BCAS3: variants seen among roughly 807,000 people sequenced by gnomAD.
BCAS3 encodes the protein BCAS4/BCAS3 fusion.
A neutral mutation model predicts 116.1 loss-of-function variants in BCAS3; 53 were observed. The ratio of observed to expected loss-of-function variants is 0.46; its 90% CI spans 0.37 to 0.57. The LOEUF (loss-of-function observed/expected upper bound fraction) is 0.57. Ranked by LOEUF, BCAS3 falls within the 20% of genes least tolerant of loss-of-function variation. BCAS3 has a pLI of 0.00. For synonymous variants in BCAS3, 391 were observed against 408.2 expected (o/e 0.96, Z 0.51); for missense variants, 917 against 1,165.4 (o/e 0.79, Z 3.10).
In BCAS3 at chr17:61,076,108, C is replaced by T. The variant is rs116091644; in HGVS notation, c.2130+1088C>T. ...TCCCCTTGCCAGGTGAAGCTGTCTT[C>T]ATCTCAAGGGCTTTGAAATAAAAGA... is the stretch of plus-strand genomic sequence containing the variant. On this transcript the variant is annotated intron_variant, in intron 20 of 23. Transcript: ENST00000407086. Among the ~76,000 whole-genome samples, 997 of 152,278 alleles carry T rather than the reference C, an allele frequency of 6.5e-3. 10 individuals carry two copies. Among genetic ancestry groups the T allele is most frequent in the African/African-American group, 0.023 (965 of 41,558 alleles).
At chr17:60,987,232 A>G (rs1351886586) in intron 14 of BCAS3, 1 of 145,592 alleles carries the variant, frequency 6.9e-6, no homozygotes, top group Non-Finnish European at 1.5e-5. Context: ...CAGTTACTAT[A>G]CCTCTGTAGT....
At position 61,124,634 on chromosome 17, in the gene BCAS3, C is replaced by G. The variant is rs2075964630; in HGVS notation, c.2425+40070C>G. Among the ~76,000 whole-genome samples the G allele has an allele frequency of 6.6e-6, 1 of 152,102 alleles. No homozygotes were observed. Among genetic ancestry groups the G allele is most frequent in the South Asian group, 2.1e-4 (1 of 4,820 alleles). On this transcript the variant is annotated intron_variant, in intron 22 of 23. Coordinates refer to ENST00000407086, the MANE Select transcript of BCAS3 (RefSeq NM_017679.5). The surrounding 1 kb of genome is among the most constrained non-coding windows in gnomAD (Gnocchi z 4.6). ...TTCCCTAGTGAGTTATGTAGTTAAT[C>G]ATATTAAACTGTTTTTCAGTTTTGA...
chr17:60,855,452 A>ATT (rs565603643), intron 7 of BCAS3, among the ~76,000 whole-genome samples: 36 of 125,748 alleles, frequency 2.9e-4, no homozygotes, highest in African/African-American at 7.4e-4. Context: ...CTATTTTTAA[A>ATT]TTTTTTTTTT....
intron 23 of BCAS3, among the ~76,000 whole-genome samples, chr17:61,386,242 T>C (rs1325869987): frequency 2.6e-5 from 4 of 152,192 alleles, no homozygotes; most frequent in Non-Finnish European, 4.4e-5. Context: ...GGGTGTGCTC[T>C]TAACCACTTC....
Position 61,040,892 on chromosome 17 carries a change from CG to C in BCAS3, c.2029+1del, listed in dbSNP as rs2145620695. 1 of 1,612,256 alleles carries C rather than the reference CG, an allele frequency of 6.2e-7. No individual in the cohort carries two copies. ...GTATTATCAGTTCCTGCTTGCTGGC[CG>C]TAAGTAGTTCAGATTTTTTTTTTCC... On this transcript the variant is annotated splice_donor_variant, in intron 19 of 23. Coordinates refer to ENST00000407086, the MANE Select transcript of BCAS3 (RefSeq NM_017679.5). LOFTEE classifies it high-confidence loss of function.
At chr17:60,779,050 A>G (rs2045556794) in intron 6 of BCAS3, among the ~76,000 whole-genome samples, 1 of 152,202 alleles carries the variant, frequency 6.6e-6, no homozygotes, top group Admixed American at 6.5e-5. Flanking sequence ...GTCTTAATGC[A>G]GCCTTGCTTC....
At chr17:61,268,087 T>C (rs773367049) in intron 22 of BCAS3, among the ~76,000 whole-genome samples, 1 of 152,222 alleles carries the variant, frequency 6.6e-6, no homozygotes, top group East Asian at 1.9e-4. Context: ...AGACACAGTA[T>C]CCTTAGTCAC....
rs1568850935 is a variant in BCAS3, at chr17:61,322,858, G to GAGAGAGAGAGAGAC, written c.2426-45456_2426-45455insCAGAGAGAGAGAGA. 3.4e-4 allele frequency among the ~76,000 whole-genome samples: 46 copies of GAGAGAGAGAGAGAC among 134,186 alleles called. 2 individuals are homozygous for GAGAGAGAGAGAGAC. The highest frequency in any genetic ancestry group is 1.3e-3 in the African/African-American group (46 of 34,086). 88.0% of individuals were successfully genotyped at this position (134,186 alleles called of 152,430 possible). A position where few individuals can be genotyped will look rare whatever the true frequency, so the allele number is the denominator to read the frequency against. On this transcript the variant is annotated intron_variant, in intron 22 of 23. Transcript: ENST00000407086. ...AGAGAGAGAGAGAGAGAGAGAGACA[G>GAGAGAGAGAGAGAC]AGAGAGAGAGAGAGAGAGAGAGGTG...
chr17:61,066,189 G>C (rs1202187725), intron 19 of BCAS3, among the ~76,000 whole-genome samples: 1 of 152,214 alleles, frequency 6.6e-6, no homozygotes, highest in Non-Finnish European at 1.5e-5. Flanking sequence ...AGTGGTACCT[G>C]TAGTTGATCA....
intron 22 of BCAS3, among the ~76,000 whole-genome samples, chr17:61,207,696 T>G (rs2081223409): frequency 6.6e-6 from 1 of 152,174 alleles, no homozygotes; most frequent in Non-Finnish European, 1.5e-5. Flanking sequence ...TATATCTGCT[T>G]CTTAGCCTCC....
intron 4 of BCAS3, among the ~76,000 whole-genome samples, chr17:60,691,555 C>T (rs764088269): frequency 3.3e-5 from 5 of 152,112 alleles, no homozygotes; most frequent in Non-Finnish European, 7.4e-5. Context: ...AGAAATGGCT[C>T]TTCATGTCCA....
chr17:60,996,358 A>C (rs1003540953), intron 15 of BCAS3, among the ~76,000 whole-genome samples: 1 of 152,180 alleles, frequency 6.6e-6, no homozygotes, highest in Non-Finnish European at 1.5e-5. Flanking sequence ...AGACTGTGAG[A>C]AGTCATTGGA....
rs577685362 is a variant in BCAS3 at position 61,080,445 on chromosome 17, C to T, written c.2327+1916C>T. 2.0e-5 allele frequency among the ~76,000 whole-genome samples: 3 copies of T among 152,052 alleles called. No individual in the cohort carries two copies. In the South Asian group the frequency reaches 6.2e-4, roughly 32 times the overall value. On this transcript the variant is annotated intron_variant, in intron 21 of 23. Transcript: ENST00000407086. ...TTTTGCTTTCCCCTGACTGATGTATCTTCTTAAAGAATGATTCAGCCAGGC... is the reference window on the plus strand; with the variant it reads ...TTTTGCTTTCCCCTGACTGATGTATTTTCTTAAAGAATGATTCAGCCAGGC...
chr17:60,798,784 C>G (rs1314998911), intron 6 of BCAS3, among the ~76,000 whole-genome samples: 1 of 152,218 alleles, frequency 6.6e-6, no homozygotes, highest in Non-Finnish European at 1.5e-5. Flanking sequence ...GGGCTGTGCT[C>G]TTTGGCATTC....
rs920945129 is a variant in BCAS3 at position 61,377,635 on chromosome 17, A to G, written c.2593+9141A>G. ...GTGGGGAGGAGGAGCTAGTAAATGT[A>G]GTAATCGTTGGCCTCCTGTAACTCT... On this transcript the variant is annotated intron_variant, in intron 23 of 23. Transcript: ENST00000407086. The surrounding 1 kb of genome is among the most constrained non-coding windows in gnomAD (Gnocchi z 4.6). Among the ~76,000 whole-genome samples the G allele has an allele frequency of 6.6e-6, 1 of 152,160 alleles. No individual in the cohort carries two copies. The highest frequency in any genetic ancestry group is 2.4e-5 in the African/African-American group (1 of 41,436).
At chr17:60,815,954 G>T (rs549341565) in intron 7 of BCAS3, among the ~76,000 whole-genome samples, 1 of 152,260 alleles carries the variant, frequency 6.6e-6, no homozygotes, top group South Asian at 2.1e-4. Context: ...TCCTATACGA[G>T]TAGTTATACT....
In BCAS3 at chr17:61,289,041, C is replaced by G. The variant is rs1213944947; in HGVS notation, c.2426-79286C>G. ...CTGCACATTTCCTCTTGGGCAAGGC[C>G]CAACACAAGTGCACCCTCCTTTCCA... On this transcript the variant is annotated intron_variant, in intron 22 of 23. Coordinates refer to ENST00000407086, the MANE Select transcript of BCAS3 (RefSeq NM_017679.5). Among the ~76,000 whole-genome samples, 6 of 152,344 alleles carry G rather than the reference C, an allele frequency of 3.9e-5. No homozygotes were observed. In the East Asian group the frequency reaches 1.2e-3, roughly 29 times the overall value.
chr17:60,729,321 T>TC (rs1359142060), intron 5 of BCAS3, among the ~76,000 whole-genome samples: 1 of 151,830 alleles, frequency 6.6e-6, no homozygotes, highest in African/African-American at 2.4e-5. Context: ...GACTCTTTTT[T>TC]TTTTTTTTTT....
chr17:61,111,217 CG>C (rs1184890577), intron 22 of BCAS3, among the ~76,000 whole-genome samples: 1 of 152,080 alleles, frequency 6.6e-6, no homozygotes, highest in Non-Finnish European at 1.5e-5. Context: ...TCACCAGCAA[CG>C]GAACAAAGGT....
Sources: allele counts gnomAD v4.1 joint callset (sites outside exome capture counted in the v4.1 genomes callset), GRCh38; gene constraint gnomAD v4.1.1; non-coding constraint Gnocchi (gnomAD v3.1); transcripts MANE v1.5; gene names NCBI Gene and HGNC (gene_info 2026-07-23, HGNC 2026-07-21).